Variants in KLHL1 observed in about 807,000 individuals in gnomAD.
The protein encoded by KLHL1 is kelch like family member 1.
KLHL1 carries 47 observed loss-of-function variants against 77.7 expected under a neutral mutation model. The observed-to-expected ratio is 0.60, with a 90% CI of 0.48 to 0.77. KLHL1 has a LOEUF of 0.77. KLHL1 is among the 30% of genes least tolerant of loss of function. The probability of loss-of-function intolerance (pLI) is 0.00; values close to 1 mark genes in which losing one functional copy is unlikely to be tolerated. For missense variants in KLHL1, 925 were observed against 910.8 expected (o/e 1.02, Z -0.20); for synonymous variants, 360 against 325.2 (o/e 1.11, Z -1.15).
chr13:69,837,141 T>C (rs74090486), intron 6 of KLHL1, among the ~76,000 whole-genome samples: 12,271 of 151,916 alleles, frequency 0.081, 930 homozygotes, highest in African/African-American at 0.2. Context: ...TATATATTTT[T>C]GAAAAAGAAA....
chr13:69,975,875 A>G (rs569087309), intron 1 of KLHL1, 73 bp from the exon 2 acceptor site: 2 of 1,426,556 alleles, frequency 1.4e-6, no homozygotes, highest in African/African-American at 3.0e-5. Flanking sequence ...TATCTAGAAT[A>G]ACATACAGGT....
At chr13:70,081,470 T>C (rs1887388518) in intron 1 of KLHL1, among the ~76,000 whole-genome samples, 2 of 152,182 alleles carry the variant, frequency 1.3e-5, no homozygotes, top group African/African-American at 4.8e-5. Flanking sequence ...ATTCATTTCC[T>C]TGCTGCTGCA....
At chr13:69,945,414 A>C (rs1480275174) in intron 3 of KLHL1, among the ~76,000 whole-genome samples, 6 of 151,672 alleles carry the variant, frequency 4.0e-5, no homozygotes, top group African/African-American at 1.5e-4. Flanking sequence ...ATGCCACTGC[A>C]CTCCAGCCTG....
intron 3 of KLHL1, among the ~76,000 whole-genome samples, chr13:69,943,797 A>T (rs1402337812): frequency 6.6e-6 from 1 of 152,166 alleles, no homozygotes; most frequent in Non-Finnish European, 1.5e-5. Context: ...TTAAAACTTC[A>T]GAGGAATTTT....
intron 7 of KLHL1, among the ~76,000 whole-genome samples, chr13:69,756,324 T>G (rs2137957190): frequency 6.6e-6 from 1 of 152,262 alleles, no homozygotes; most frequent in East Asian, 1.9e-4. Flanking sequence ...TGGAATGAGT[T>G]TGAAGACTTC....
At chr13:69,787,067 G>GA (rs1452476416) in intron 7 of KLHL1, among the ~76,000 whole-genome samples, 6 of 152,118 alleles carry the variant, frequency 3.9e-5, no homozygotes, top group African/African-American at 1.4e-4. Context: ...TCAATATCGT[G>GA]AAAATGGCCA....
intron 10 of KLHL1, among the ~76,000 whole-genome samples, chr13:69,705,648 A>G (rs1875589764): frequency 6.6e-6 from 1 of 151,684 alleles, no homozygotes; most frequent in African/African-American, 2.4e-5. Flanking sequence ...AATATAAATA[A>G]TGAGAAGATA....
At chr13:70,093,902 A>C (rs1217462267) in intron 1 of KLHL1, among the ~76,000 whole-genome samples, 1 of 152,290 alleles carries the variant, frequency 6.6e-6, no homozygotes, top group Non-Finnish European at 1.5e-5. Context: ...ATATAAAGTT[A>C]ATTAACTTGT....
At chr13:70,079,003 T>C (rs1408917644) in intron 1 of KLHL1, among the ~76,000 whole-genome samples, 3 of 152,180 alleles carry the variant, frequency 2.0e-5, no homozygotes, top group African/African-American at 4.8e-5. Context: ...GTTTTATTGC[T>C]AGCAGAGAAA....
At chr13:69,855,958 T>C (rs987213101) in intron 5 of KLHL1, among the ~76,000 whole-genome samples, 8 of 147,520 alleles carry the variant, frequency 5.4e-5, no homozygotes, top group African/African-American at 2.0e-4. Flanking sequence ...ATATATGTTA[T>C]AACATATATA....
intron 5 of KLHL1, among the ~76,000 whole-genome samples, chr13:69,880,366 C>A (rs1880940877): frequency 1.3e-5 from 2 of 151,984 alleles, no homozygotes; most frequent in South Asian, 4.2e-4. Context: ...CCGTTCATTC[C>A]TCCTGCACAT....
chr13:70,051,944 CT>C (rs5804468), intron 1 of KLHL1, among the ~76,000 whole-genome samples: 49,458 of 146,830 alleles, frequency 0.34, 9,548 homozygotes, highest in African/African-American at 0.56. Context: ...TTATAGAAAG[CT>C]TTTTTTTTTT....
At chr13:70,085,946 G>C (rs528355032) in intron 1 of KLHL1, among the ~76,000 whole-genome samples, 4 of 152,314 alleles carry the variant, frequency 2.6e-5, no homozygotes, top group African/African-American at 9.6e-5. Context: ...TATGGTGACA[G>C]ACATTTCATA....
intron 1 of KLHL1, among the ~76,000 whole-genome samples, chr13:70,097,817 T>C (rs1352391760): frequency 6.6e-6 from 1 of 151,586 alleles, no homozygotes; most frequent in Non-Finnish European, 1.5e-5. Flanking sequence ...TCTTCAAAAA[T>C]TGTACTTAAA....
intron 4 of KLHL1, among the ~76,000 whole-genome samples, chr13:69,927,897 A>C (rs574383750): frequency 6.6e-6 from 1 of 152,196 alleles, no homozygotes; most frequent in Non-Finnish European, 1.5e-5. Flanking sequence ...ATACACCCCC[A>C]AATGAAAATA....
intron 1 of KLHL1, among the ~76,000 whole-genome samples, chr13:70,103,952 G>A (rs1271908713): frequency 6.6e-6 from 1 of 152,130 alleles, no homozygotes; most frequent in Non-Finnish European, 1.5e-5. Context: ...TTTATGGATG[G>A]TAGCTAAAAC....
intron 1 of KLHL1, among the ~76,000 whole-genome samples, chr13:70,094,258 C>G (rs896445500): frequency 1.3e-5 from 2 of 151,756 alleles, no homozygotes; most frequent in African/African-American, 4.8e-5. Context: ...CTCAGGAGTT[C>G]GAGGCTGCAG....
chr13:69,989,938 T>C (rs1191143096), intron 1 of KLHL1, among the ~76,000 whole-genome samples: 1 of 151,974 alleles, frequency 6.6e-6, no homozygotes, highest in Non-Finnish European at 1.5e-5. Context: ...CTCTTCCTAT[T>C]TGGATGCCTT....
intron 6 of KLHL1, among the ~76,000 whole-genome samples, chr13:69,834,995 G>A (rs1264937105): frequency 6.6e-6 from 1 of 152,082 alleles, no homozygotes; most frequent in African/African-American, 2.4e-5. Context: ...TTTTAGAGAT[G>A]TAGAAGTTAT....
Sources: gnomAD v4.1 joint callset for allele counts (sites outside exome capture counted in the v4.1 genomes callset) on GRCh38, gnomAD v4.1.1 for gene constraint, MANE v1.5 for transcripts, NCBI Gene and HGNC (gene_info 2026-07-23, HGNC 2026-07-21) for gene names.